IGSF3: variants seen among roughly 807,000 people sequenced by gnomAD.
IGSF3 encodes the protein glu-Trp-Ile EWI motif-containing protein 3.
A neutral mutation model predicts 114.4 loss-of-function variants in IGSF3; 23 were observed. The observed-to-expected ratio is 0.20, with a 90% CI of 0.14 to 0.28. IGSF3 has a LOEUF of 0.28. Among genes scored for constraint, IGSF3 ranks in the 10% least tolerant of loss-of-function variants. The pLI is 1.00. For missense variants in IGSF3, 1,172 were observed against 1,591.5 expected (o/e 0.74, Z 4.48); for synonymous variants, 571 against 645.2 (o/e 0.88, Z 1.74).
At chr1:116,646,344 G>A (rs998238589) in intron 2 of IGSF3, among the ~76,000 whole-genome samples, 3 of 152,124 alleles carry the variant, frequency 2.0e-5, no homozygotes, top group African/African-American at 4.8e-5. Context: ...GGAGAATTGG[G>A]GGGGGTCCAC....
chr1:116,606,311 T>C (rs1660790608), intron 5 of IGSF3, among the ~76,000 whole-genome samples: 1 of 152,278 alleles, frequency 6.6e-6, no homozygotes, highest in Non-Finnish European at 1.5e-5. Context: ...TGTGGTGCTC[T>C]GATTTCTTCA....
At chr1:116,641,857 T>C (rs1648117522) in intron 2 of IGSF3, among the ~76,000 whole-genome samples, 1 of 152,060 alleles carries the variant, frequency 6.6e-6, no homozygotes, top group South Asian at 2.1e-4. Flanking sequence ...TCTTTCTTTT[T>C]TTTTTTTTTG....
chr1:116,618,567 C>T lies in IGSF3; in HGVS notation c.44-2110G>A, dbSNP rs186417169. Among the ~76,000 whole-genome samples, 88 of 152,178 alleles carry T rather than the reference C, an allele frequency of 5.8e-4. No individual in the cohort carries two copies. The East Asian group carries it at 0.014, about 25-fold the overall frequency. On this transcript the variant is annotated intron_variant, in intron 2 of 10. Coordinates refer to ENST00000369486, the MANE Select transcript of IGSF3 (RefSeq NM_001007237.3). The surrounding 1 kb of genome is among the most constrained non-coding windows in gnomAD (Gnocchi z 4.7). ...AACAGTGCTGGGACATTTCATTTTC[C>T]ATAATAAAATATATAAATGAAAATA...
chr1:116,621,857 C>G (rs923403554), intron 2 of IGSF3, among the ~76,000 whole-genome samples: 7 of 152,166 alleles, frequency 4.6e-5, no homozygotes, highest in African/African-American at 1.7e-4. Flanking sequence ...CATGATACCA[C>G]TTAACTAGTT....
At chr1:116,645,362 G>A (rs1287567386) in intron 2 of IGSF3, among the ~76,000 whole-genome samples, 1 of 152,216 alleles carries the variant, frequency 6.6e-6, no homozygotes, top group Non-Finnish European at 1.5e-5. Context: ...GCAGGAAAGG[G>A]GCTGGTAGCA....
intron 2 of IGSF3, among the ~76,000 whole-genome samples, chr1:116,663,733 G>A (rs770248979): frequency 9.2e-5 from 14 of 152,164 alleles, no homozygotes; most frequent in East Asian, 1.9e-4. Flanking sequence ...AGATGAAAGC[G>A]TCTCCGAGAT....
rs1053392753 is a variant in IGSF3, at chr1:116,595,143, T to C, written c.2029+4798A>G. 1.1e-4 allele frequency among the ~76,000 whole-genome samples: 16 copies of C among 152,010 alleles called. No individual in the cohort carries two copies. Among genetic ancestry groups the C allele is most frequent in the African/African-American group, 3.9e-4 (16 of 41,454 alleles). ...AGCAGCAAGAGTCTGCAGGTGGAAATAGCTAATGAAGGTTACCCAGATGTG... is the reference window on the plus strand; with the variant it reads ...AGCAGCAAGAGTCTGCAGGTGGAAACAGCTAATGAAGGTTACCCAGATGTG... On this transcript the variant is annotated intron_variant, in intron 7 of 10. Coordinates refer to ENST00000369486, the MANE Select transcript of IGSF3 (RefSeq NM_001007237.3). This position sits in a 1 kb window ranked among gnomAD's most constrained non-coding sequence, Gnocchi z 4.2.
intron 2 of IGSF3, among the ~76,000 whole-genome samples, chr1:116,660,876 A>G (rs569993021): frequency 6.6e-6 from 1 of 152,354 alleles, no homozygotes; most frequent in Non-Finnish European, 1.5e-5. Flanking sequence ...GATTCTGCCA[A>G]ATTCCAGCTC....
rs1661233897 is a variant in IGSF3, at chr1:116,616,769, A to G, written c.44-312T>C. Among the ~76,000 whole-genome samples, 1 of 152,166 alleles carries G rather than the reference A, an allele frequency of 6.6e-6. No homozygotes were observed. Among genetic ancestry groups the G allele is most frequent in the Non-Finnish European group, 1.5e-5 (1 of 68,032 alleles). On this transcript the variant is annotated intron_variant, in intron 2 of 10. Coordinates refer to ENST00000369486, the MANE Select transcript of IGSF3 (RefSeq NM_001007237.3). This position sits in a 1 kb window ranked among gnomAD's most constrained non-coding sequence, Gnocchi z 6.6. ...TCATTTATATGGCAGTTTTATATCT[A>G]TTTATTAATGCTGTGTATGAAGTTT...
Position 116,604,002 on chromosome 1 carries a change from C to T in IGSF3, c.1246G>A (p.Ala416Thr), listed in dbSNP as rs1660700245. The change falls in exon 6 of 11, where the codon GCC becomes ACC. Residue 416 changes from alanine (A) to threonine (T), a missense_variant. By Grantham distance (58) the Ala-to-Thr change is moderately conservative. This residue lies in a region of IGSF3 where 736 missense variants were observed against 1,042.0 expected (regional missense o/e 0.71). Coordinates refer to ENST00000369486, the MANE Select transcript of IGSF3 (RefSeq NM_001007237.3). ...PLKSSISVEV[A>T]SNASVILEGE... Reference sequence around the variant, plus strand: ...TCAAGGATGACGCTGGCATTGCTGGCCACCTCCACGGAGATGCTGCTCTCT... The same window carrying T: ...TCAAGGATGACGCTGGCATTGCTGGTCACCTCCACGGAGATGCTGCTCTCT... 1.2e-6 allele frequency: 2 copies of T among 1,608,970 alleles called. No individual in the cohort carries two copies. The highest frequency in any genetic ancestry group is 1.7e-6 in the Non-Finnish European group (2 of 1,179,366).
At position 116,632,367 on chromosome 1, in the gene IGSF3, G is replaced by A. The variant is rs1647629637; in HGVS notation, c.44-15910C>T. 6.6e-6 allele frequency among the ~76,000 whole-genome samples: 1 copy of A among 152,156 alleles called. No homozygotes were observed. Among genetic ancestry groups the A allele is most frequent in the Non-Finnish European group, 1.5e-5 (1 of 68,042 alleles). On this transcript the variant is annotated intron_variant, in intron 2 of 10. Coordinates refer to ENST00000369486, the MANE Select transcript of IGSF3 (RefSeq NM_001007237.3). This position sits in a 1 kb window ranked among gnomAD's most constrained non-coding sequence, Gnocchi z 5.1. ...TATGGATCTGTGGGGGGAAGAAGGG[G>A]TGGGCGTGCTAGCATCTCTCAGCTA... is the stretch of plus-strand genomic sequence containing the variant.
chr1:116,620,503 A>G (rs1198169670), intron 2 of IGSF3, among the ~76,000 whole-genome samples: 1 of 152,218 alleles, frequency 6.6e-6, no homozygotes, highest in Non-Finnish European at 1.5e-5. Context: ...TGCCCTATGC[A>G]CTAAATAGGA....
chr1:116,577,361 G>A lies in IGSF3; in HGVS notation c.3536C>T (p.Thr1179Ile), dbSNP rs1430810580. ...IKEPHLNYSP[T>I]CLEPPVLSIH... is the part of the protein sequence containing the mutation. Reference sequence around the variant, plus strand: ...ACTGAGAACAGGGGGCTCCAGGCAAGTAGGGGAGTAGTTGAGGTGTGGCTC... The same window carrying A: ...ACTGAGAACAGGGGGCTCCAGGCAAATAGGGGAGTAGTTGAGGTGTGGCTC... The change falls in exon 11 of 11, where the codon ACT (threonine) becomes ATT (isoleucine). Residue 1179 changes from threonine (T) to isoleucine (I), a missense_variant. Transcript: ENST00000369486. The surrounding 1 kb of genome is among the most constrained non-coding windows in gnomAD (Gnocchi z 5.7). 2 of 1,614,080 alleles carry A rather than the reference G, an allele frequency of 1.2e-6. No individual in the cohort carries two copies. The highest frequency in any genetic ancestry group is 1.7e-6 in the Non-Finnish European group (2 of 1,180,038).
At chr1:116,586,291 TC>T (rs565721532) in intron 8 of IGSF3, among the ~76,000 whole-genome samples, 47 of 152,256 alleles carry the variant, frequency 3.1e-4, no homozygotes, top group Non-Finnish European at 6.3e-4. Context: ...TCCCTCCCCA[TC>T]CAAAAAATAC....
rs1647820704 is a variant in IGSF3, at chr1:116,636,199, A to G, written c.44-19742T>C. ...ATCACCTTCCCAAGAAGAATTCCCC[A>G]TACCGAGTCTACCATTCCTTCCCTG... On this transcript the variant is annotated intron_variant, in intron 2 of 10. Coordinates refer to ENST00000369486, the MANE Select transcript of IGSF3 (RefSeq NM_001007237.3). The surrounding 1 kb of genome is among the most constrained non-coding windows in gnomAD (Gnocchi z 4.5). 6.6e-6 allele frequency among the ~76,000 whole-genome samples: 1 copy of G among 152,126 alleles called. No individual in the cohort carries two copies. Among genetic ancestry groups the G allele is most frequent in the Non-Finnish European group, 1.5e-5 (1 of 68,030 alleles).
rs1480226792 is a variant in IGSF3 at position 116,618,908 on chromosome 1, A to G, written c.44-2451T>C. ...CAAGTCAGGGTACACCAGCATCTTT[A>G]AGGACTGCTTCTCAATCCTGGACCT... On this transcript the variant is annotated intron_variant, in intron 2 of 10. Transcript: ENST00000369486. This position sits in a 1 kb window ranked among gnomAD's most constrained non-coding sequence, Gnocchi z 4.7. Among the ~76,000 whole-genome samples, 1 of 152,058 alleles carries G rather than the reference A, an allele frequency of 6.6e-6. No homozygotes were observed. The highest frequency in any genetic ancestry group is 1.5e-5 in the Non-Finnish European group (1 of 67,998).
chr1:116,579,229 A>T lies in IGSF3; in HGVS notation c.3334+163T>A, dbSNP rs114870835. The stretch of plus-strand genomic sequence containing the variant: ...TTGCATGGGTAATCAAGGGTCAATT[A>T]TATGAACTAATATGTCCAATCCCAC... On this transcript the variant is annotated intron_variant, in intron 10 of 10. Coordinates refer to ENST00000369486, the MANE Select transcript of IGSF3 (RefSeq NM_001007237.3). This position sits in a 1 kb window ranked among gnomAD's most constrained non-coding sequence, Gnocchi z 6.4. Among the ~76,000 whole-genome samples the T allele has an allele frequency of 3.4e-3, 524 of 152,322 alleles. No homozygotes were observed. The highest frequency in any genetic ancestry group is 5.9e-3 in the Non-Finnish European group (401 of 68,032).
In IGSF3 at chr1:116,650,223, G is replaced by A. The variant is rs1230810584; in HGVS notation, c.43+16061C>T. Among the ~76,000 whole-genome samples, 2 of 152,166 alleles carry A rather than the reference G, an allele frequency of 1.3e-5. No homozygotes were observed. Among genetic ancestry groups the A allele is most frequent in the African/African-American group, 4.8e-5 (2 of 41,426 alleles). On this transcript the variant is annotated intron_variant, in intron 2 of 10. Coordinates refer to ENST00000369486, the MANE Select transcript of IGSF3 (RefSeq NM_001007237.3). The surrounding 1 kb of genome is among the most constrained non-coding windows in gnomAD (Gnocchi z 5.0). Reference sequence around the variant, plus strand: ...CAACTCAACTGGCTTCAACAGTGAGGACAAAATGTATGGAGATTGGACTGT... The same window carrying A: ...CAACTCAACTGGCTTCAACAGTGAGAACAAAATGTATGGAGATTGGACTGT...
chr1:116,588,666 C>A lies in IGSF3; in HGVS notation c.2440+28G>T. On this transcript the variant is annotated intron_variant, in intron 8 of 10. Transcript: ENST00000369486. This position sits in a 1 kb window ranked among gnomAD's most constrained non-coding sequence, Gnocchi z 4.9. ...CAGTCTCTGCACTAAACCCACTGGC[C>A]CAGGACAGCCGTGCCCTGCGGCCTT... The A allele has an allele frequency of 6.5e-7, 1 of 1,527,448 alleles. No individual in the cohort carries two copies. The highest frequency in any genetic ancestry group is 8.9e-7 in the Non-Finnish European group (1 of 1,127,786). The allele number at this position is 1,527,448 out of a possible 1,614,324, so 94.6% of individuals were successfully genotyped here. A position where few individuals can be genotyped will look rare whatever the true frequency, so the allele number is the denominator to read the frequency against.
Sources: allele counts gnomAD v4.1 joint callset (sites outside exome capture counted in the v4.1 genomes callset), GRCh38; gene constraint gnomAD v4.1.1; regional missense constraint gnomAD v4.1.1; non-coding constraint Gnocchi (gnomAD v3.1); transcripts MANE v1.5; gene names NCBI Gene and HGNC (gene_info 2026-07-23, HGNC 2026-07-21).